Variants in PUS10 observed in about 807,000 individuals in gnomAD.
PUS10 encodes the protein pseudouridine synthase 10, also known as tRNA pseudouridine synthase Pus10.
Under a neutral mutation model 75.0 loss-of-function variants are expected in PUS10, and 59 were observed. The observed-to-expected ratio is 0.79, with a 90% confidence interval of 0.64 to 0.98. The LOEUF is 0.98. PUS10 is among the 50% of genes least tolerant of loss of function. The pLI is 0.00. For synonymous variants in PUS10, 219 were observed against 211.6 expected (o/e 1.03, Z -0.30); for missense variants, 650 against 614.4 (o/e 1.06, Z -0.61).
intron 4 of PUS10, among the ~76,000 whole-genome samples, chr2:60,995,622 A>G (rs1238907077): frequency 2.0e-5 from 3 of 152,182 alleles, no homozygotes; most frequent in Non-Finnish European, 4.4e-5. Flanking sequence ...TTAATGGAGG[A>G]AAAATAGTTT....
chr2:60,944,206 G>C, intron 17 of PUS10: 1 of 984,580 alleles, frequency 1.0e-6, no homozygotes, highest in Non-Finnish European at 1.2e-6. Flanking sequence ...TCACTGAAGA[G>C]GCTCCCTGCA....
intron 2 of PUS10, 32 bp downstream of exon 2, chr2:61,011,733 T>G: frequency 7.1e-7 from 1 of 1,417,036 alleles, no homozygotes; most frequent in Non-Finnish European, 9.4e-7. Context: ...CTTCTCTTAA[T>G]TTGAAAAAAA....
At chr2:60,984,484 T>C (rs1212429668) in intron 4 of PUS10, among the ~76,000 whole-genome samples, 1 of 152,228 alleles carries the variant, frequency 6.6e-6, no homozygotes, top group Non-Finnish European at 1.5e-5. Context: ...TACCACCTTT[T>C]AGGAGGGCAA....
chr2:60,974,233 T>G (rs1483956201), intron 4 of PUS10, among the ~76,000 whole-genome samples: 1 of 116,714 alleles, frequency 8.6e-6, no homozygotes. Context: ...TTTTTTTTTT[T>G]GGAGATGGAG....
chr2:60,957,463 T>G (rs1675750769), intron 11 of PUS10, among the ~76,000 whole-genome samples: 1 of 152,230 alleles, frequency 6.6e-6, no homozygotes. Flanking sequence ...AGAGCAACAC[T>G]GGGTTAACAC....
rs765673888 is a variant in PUS10, at chr2:60,953,018, A to G, written c.1287T>C (p.Ile429=). Residue 429 remains isoleucine (I), a synonymous_variant, in exon 15 of 18, where the codon ATT becomes ATC. Transcript: ENST00000316752. ...WTNKAIQKKD[I]EFLNDIKDLK... ...CTACCTTTATGTCATTTAGGAATTCAATGTCTTTCTTCTGTATCGCTTTAT... is the reference window on the plus strand; with the variant it reads ...CTACCTTTATGTCATTTAGGAATTCGATGTCTTTCTTCTGTATCGCTTTAT... The G allele has an allele frequency of 6.4e-7, 1 of 1,565,862 alleles. No homozygotes were observed. The highest frequency in any genetic ancestry group is 1.1e-5 in the South Asian group (1 of 89,664).
intron 2 of PUS10, chr2:61,010,690 T>G: frequency 7.6e-7 from 1 of 1,310,366 alleles, no homozygotes; most frequent in South Asian, 1.3e-5. Context: ...TCCTGTGAGG[T>G]GGGTATTATC....
At chr2:60,995,594 G>A (rs546407486) in intron 4 of PUS10, among the ~76,000 whole-genome samples, 4 of 152,192 alleles carry the variant, frequency 2.6e-5, no homozygotes, top group Non-Finnish European at 5.9e-5. Context: ...ACTTAACTAC[G>A]CCACACGGTC....
At chr2:60,958,958 T>C (rs1675845806) in intron 11 of PUS10, among the ~76,000 whole-genome samples, 1 of 152,206 alleles carries the variant, frequency 6.6e-6, no homozygotes, top group African/African-American at 2.4e-5. Flanking sequence ...CCTGCAGTTT[T>C]TCCTGACGTG....
At chr2:60,973,341 C>T (rs1184935549) in intron 4 of PUS10, among the ~76,000 whole-genome samples, 1 of 151,486 alleles carries the variant, frequency 6.6e-6, no homozygotes, top group Admixed American at 6.6e-5. Context: ...CATCTCTGCA[C>T]TTTCAGGGAC....
At position 60,982,146 on chromosome 2, in the gene PUS10, T is replaced by C. The variant is rs1369480459; in HGVS notation, c.469-10589A>G. ...TCCTAGTCACAATGCAGGTATTTGG[T>C]CCCAGGACTACAGGACTGCCTGACT... On this transcript the variant is annotated intron_variant, in intron 4 of 17. Coordinates refer to ENST00000316752, the MANE Select transcript of PUS10 (RefSeq NM_144709.4). Among the ~76,000 whole-genome samples the C allele has an allele frequency of 2.0e-5, 3 of 152,046 alleles. 1 individual carries two copies. Among genetic ancestry groups the C allele is most frequent in the Admixed American group, 2.0e-4 (3 of 15,262 alleles).
intron 2 of PUS10, chr2:61,010,479 A>G (rs1679527678): frequency 4.6e-6 from 1 of 217,638 alleles, no homozygotes; most frequent in African/African-American, 2.3e-5. Flanking sequence ...GGCACCTGCC[A>G]TGGCGCCCAG....
intron 4 of PUS10, among the ~76,000 whole-genome samples, chr2:60,985,645 C>T (rs1413067056): frequency 6.6e-6 from 1 of 152,086 alleles, no homozygotes; most frequent in Non-Finnish European, 1.5e-5. Context: ...GAATTACAGG[C>T]ATGTGCCACC....
chr2:61,010,120 GAT>G, intron 2 of PUS10: 1 of 152,086 alleles, frequency 6.6e-6, no homozygotes, highest in East Asian at 1.9e-4. Context: ...AACGAAAGTT[GAT>G]AACACTCAGT....
chr2:60,955,953 T>C (rs1389976457), intron 11 of PUS10, among the ~76,000 whole-genome samples: 1 of 152,150 alleles, frequency 6.6e-6, no homozygotes, highest in Non-Finnish European at 1.5e-5. Context: ...AAAAAAAGGT[T>C]TGACTCTAAG....
At position 60,955,177 on chromosome 2, in the gene PUS10, A is replaced by G. The variant is rs1675572591; in HGVS notation, c.1001-103T>C. 3 of 609,760 alleles carry G rather than the reference A, an allele frequency of 4.9e-6. No homozygotes were observed. In the East Asian group the frequency reaches 8.9e-5, roughly 18 times the overall value. The allele number at this position is 609,760 out of a possible 1,614,324, so 37.8% of individuals were successfully genotyped here. A position where few individuals can be genotyped will look rare whatever the true frequency, so the allele number is the denominator to read the frequency against. ...CCCAACTGAAGGTCTTGAACAATCT[A>G]TAGGAGAATCCCCAGGGAGAGTCAT... is the stretch of plus-strand genomic sequence containing the variant. On this transcript the variant is annotated intron_variant, in intron 11 of 17. Coordinates refer to ENST00000316752, the MANE Select transcript of PUS10 (RefSeq NM_144709.4).
At chr2:60,995,321 T>C (rs1200442700) in intron 4 of PUS10, among the ~76,000 whole-genome samples, 1 of 152,218 alleles carries the variant, frequency 6.6e-6, no homozygotes, top group African/African-American at 2.4e-5. Context: ...AGGGGTTTTA[T>C]CTTGCTCCTC....
Position 61,018,235 on chromosome 2 carries a change from T to G in PUS10, c.-243A>C. ...GAGCGGCATTTGTCCAGCCACGGCA[T>G]CGACAGGGAGCAAAGTCTCTCCTTA... On this transcript the variant is annotated 5_prime_UTR_variant, in exon 1 of 18. The change abolishes an upstream ATG in the 5' untranslated region. Transcript: ENST00000316752. 1 of 1,551,156 alleles carries G rather than the reference T, an allele frequency of 6.4e-7. No homozygotes were observed. Among genetic ancestry groups the G allele is most frequent in the East Asian group, 2.4e-5 (1 of 41,060 alleles).
At chr2:60,983,080 T>TG (rs946330853) in intron 4 of PUS10, among the ~76,000 whole-genome samples, 7 of 152,106 alleles carry the variant, frequency 4.6e-5, no homozygotes, top group Admixed American at 3.3e-4. Context: ...TTGGTAGAGA[T>TG]GGGGGTCTCA....
Sources: allele counts gnomAD v4.1 joint callset (sites outside exome capture counted in the v4.1 genomes callset), GRCh38; gene constraint gnomAD v4.1.1; transcripts MANE v1.5; gene names NCBI Gene and HGNC (gene_info 2026-07-23, HGNC 2026-07-21).